Variants in ULK4 observed in about 807,000 individuals in gnomAD.
ULK4 encodes inactive serine/threonine-protein kinase ULK4.
ULK4 carries 133 observed loss-of-function variants against 160.6 expected under a neutral mutation model. The ratio of observed to expected loss-of-function variants is 0.83; its 90% CI spans 0.72 to 0.96. The LOEUF (loss-of-function observed/expected upper bound fraction) is 0.96, where lower values mean the gene tolerates loss of function less well. Among genes scored for constraint, ULK4 ranks in the 40% least tolerant of loss-of-function variants. The pLI is 0.00. For missense variants in ULK4, 1,580 were observed against 1,499.5 expected (o/e 1.05, Z -0.89); for synonymous variants, 534 against 539.8 (o/e 0.99, Z 0.15).
intron 35 of ULK4, among the ~76,000 whole-genome samples, chr3:41,273,527 A>G (rs1039177472): frequency 1.3e-5 from 2 of 152,176 alleles, no homozygotes; most frequent in Admixed American, 6.5e-5. Flanking sequence ...AGTACTGTGT[A>G]CTATTGAACA....
At chr3:41,432,160 TGTA>T (rs1269054593) in intron 34 of ULK4, among the ~76,000 whole-genome samples, 1 of 152,196 alleles carries the variant, frequency 6.6e-6, no homozygotes, top group African/African-American at 2.4e-5. Context: ...AGTTTACAAA[TGTA>T]GTATACATAC....
At chr3:41,595,173 C>G (rs17059208) in intron 31 of ULK4, among the ~76,000 whole-genome samples, 9,493 of 152,240 alleles carry the variant, frequency 0.062, 462 homozygotes, top group African/African-American at 0.13. Flanking sequence ...ATAATTTAAA[C>G]AAGGGGCTCT....
rs890468213 is a variant in ULK4 at position 41,931,911 on chromosome 3, T to C, written c.474A>G (p.Ala158=). Residue 158 remains alanine, a synonymous_variant, in exon 5 of 37, where the codon GCA becomes GCG. Transcript: ENST00000301831. ...CATTATCACCTCCTCCTTCCTCTGC[T>C]GCCACCAAAGCAAAGAACTCTTCCA... ...ENLEEFFALV[A]AEEGGGDNGE... 6.2e-7 allele frequency: 1 copy of C among 1,614,146 alleles called. No homozygotes were observed. Among genetic ancestry groups the C allele is most frequent in the Non-Finnish European group, 8.5e-7 (1 of 1,180,030 alleles).
At position 41,800,138 on chromosome 3, in the gene ULK4, T is replaced by G. The variant is rs1327335701; in HGVS notation, c.2004A>C (p.Ala668=). 6.2e-7 allele frequency: 1 copy of G among 1,604,246 alleles called. No individual in the cohort carries two copies. The highest frequency in any genetic ancestry group is 2.2e-5 in the East Asian group (1 of 44,588). ...HSTADSLRIT[A]VSALCRITRH... Reference sequence around the variant, plus strand: ...AAAAGATGCTTCATCTTACCGATACTGCTGTTATCCTAAGAGAATCAGCAG... The same window carrying G: ...AAAAGATGCTTCATCTTACCGATACGGCTGTTATCCTAAGAGAATCAGCAG... The change falls in exon 20 of 37, where the codon GCA becomes GCC. Residue 668 remains alanine (A), a synonymous_variant. Transcript: ENST00000301831.
chr3:41,623,687 T>C (rs928527171), intron 30 of ULK4, among the ~76,000 whole-genome samples: 1 of 152,158 alleles, frequency 6.6e-6, no homozygotes, highest in African/African-American at 2.4e-5. Flanking sequence ...AGAATGGTGG[T>C]TACCAGAGTG....
chr3:41,687,054 G>A (rs1006365014), intron 27 of ULK4, among the ~76,000 whole-genome samples: 17 of 152,116 alleles, frequency 1.1e-4, no homozygotes, highest in African/African-American at 3.9e-4. Flanking sequence ...CTGCACTCCA[G>A]CCTGGGCGAC....
chr3:41,558,148 G>A (rs2087374714), intron 32 of ULK4, among the ~76,000 whole-genome samples: 1 of 152,076 alleles, frequency 6.6e-6, no homozygotes, highest in Non-Finnish European at 1.5e-5. Context: ...TGTGTGAAAG[G>A]ATACATGTAT....
intron 34 of ULK4, among the ~76,000 whole-genome samples, chr3:41,413,046 A>G (rs559878346): frequency 6.6e-6 from 1 of 152,332 alleles, no homozygotes; most frequent in East Asian, 1.9e-4. Context: ...TAATGGACTT[A>G]CAGCTCCACA....
Position 41,848,452 on chromosome 3 carries a change from C to A in ULK4, c.1657-12481G>T, listed in dbSNP as rs567754065. On this transcript the variant is annotated intron_variant, in intron 17 of 36. Transcript: ENST00000301831. ...ACTCAACTTCCTTTTGAGGAAATAC[C>A]TTTCCTGCACTGTGCCTGGTCTGTA... Among the ~76,000 whole-genome samples, 3 of 152,290 alleles carry A rather than the reference C, an allele frequency of 2.0e-5. No homozygotes were observed. The East Asian group carries it at 5.8e-4, about 29-fold the overall frequency.
chr3:41,779,877 C>G (rs1191916119), intron 21 of ULK4, among the ~76,000 whole-genome samples: 1 of 89,954 alleles, frequency 1.1e-5, no homozygotes, highest in Non-Finnish European at 2.2e-5. Context: ...GGAGATATAC[C>G]TAATGCTAGA....
In ULK4 at chr3:41,506,767, A is replaced by AAAAAAAAAAAAATATATATAAAT; in HGVS notation, c.3227-43515_3227-43514insATTTATATATATTTTTTTTTTTT. 7.0e-5 allele frequency among the ~76,000 whole-genome samples: 4 copies of AAAAAAAAAAAAATATATATAAAT among 56,766 alleles called. 1 individual carries two copies. Among genetic ancestry groups the AAAAAAAAAAAAATATATATAAAT allele is most frequent in the Non-Finnish European group, 1.3e-4 (4 of 31,988 alleles). 37.2% of individuals were successfully genotyped at this position (56,766 alleles called of 152,430 possible). On this transcript the variant is annotated intron_variant, in intron 32 of 36. Transcript: ENST00000301831. ...AGCAATACACTGGAGTGTGATTTAAAATATATATATATATATATATATATA... is the reference window on the plus strand; with the variant it reads ...AGCAATACACTGGAGTGTGATTTAAAAAAAAAAAAAAATATATATAAATATATATATATATATATATATATATA...
intron 34 of ULK4, among the ~76,000 whole-genome samples, chr3:41,452,394 G>A (rs2083442856): frequency 6.6e-6 from 1 of 152,150 alleles, no homozygotes; most frequent in Admixed American, 6.5e-5. Flanking sequence ...ATTCCTCCAG[G>A]AGAGGAGATG....
At chr3:41,769,403 C>G (rs1665232280) in intron 21 of ULK4, among the ~76,000 whole-genome samples, 1 of 152,168 alleles carries the variant, frequency 6.6e-6, no homozygotes, top group Non-Finnish European at 1.5e-5. Flanking sequence ...ATAATCAAAA[C>G]TGACTTTAGA....
intron 34 of ULK4, among the ~76,000 whole-genome samples, chr3:41,426,349 A>G (rs1191542770): frequency 6.6e-6 from 1 of 152,196 alleles, no homozygotes; most frequent in Non-Finnish European, 1.5e-5. Context: ...CCCCACTGTC[A>G]GTACTACACA....
At chr3:41,800,684 G>C (rs941536614) in intron 19 of ULK4, among the ~76,000 whole-genome samples, 1 of 152,128 alleles carries the variant, frequency 6.6e-6, no homozygotes, top group East Asian at 1.9e-4. Flanking sequence ...ATAATCCTCA[G>C]AAGTCATTCA....
intron 16 of ULK4, among the ~76,000 whole-genome samples, chr3:41,890,298 C>G (rs777535296): frequency 1.3e-5 from 2 of 152,094 alleles, no homozygotes; most frequent in Non-Finnish European, 2.9e-5. Context: ...TCAAGAGAGA[C>G]AAACTCCCAC....
At position 41,677,031 on chromosome 3, in the gene ULK4, T is replaced by A. The variant is rs913753879; in HGVS notation, c.2978+4477A>T. ...AGGTGATTCTCCCACCTCACCCTAC[T>A]GAGTAGCTGGGACTACAGGTATGCA... On this transcript the variant is annotated intron_variant, in intron 29 of 36. Transcript: ENST00000301831. 4.7e-5 allele frequency among the ~76,000 whole-genome samples: 7 copies of A among 149,562 alleles called. No homozygotes were observed. In the East Asian group the frequency reaches 1.2e-3, roughly 26 times the overall value.
chr3:41,629,827 T>TA (rs59918364), intron 30 of ULK4, among the ~76,000 whole-genome samples: 6,037 of 147,074 alleles, frequency 0.041, 379 homozygotes, highest in African/African-American at 0.14. Context: ...CTGGTCTCTA[T>TA]AAAAAAAAAA....
chr3:41,310,237 T>C (rs992905329), intron 35 of ULK4, among the ~76,000 whole-genome samples: 1 of 152,228 alleles, frequency 6.6e-6, no homozygotes, highest in Non-Finnish European at 1.5e-5. Context: ...TACTTTCACA[T>C]TGTGAATTAA....
Sources: gnomAD v4.1 joint callset for allele counts (sites outside exome capture counted in the v4.1 genomes callset) on GRCh38, gnomAD v4.1.1 for gene constraint, MANE v1.5 for transcripts, NCBI Gene and HGNC (gene_info 2026-07-23, HGNC 2026-07-21) for gene names.